The following PDE1C variants were observed in gnomAD, a reference collection of about 807,000 sequenced individuals.
PDE1C encodes the protein phosphodiesterase 1C, also known as dual specificity calcium/calmodulin-dependent 3',5'-cyclic nucleotide phosphodiesterase 1C.
A neutral mutation model predicts 93.1 loss-of-function variants in PDE1C; 62 were observed. The observed-to-expected ratio is 0.67, with a 90% CI of 0.54 to 0.82. PDE1C has a LOEUF of 0.82. PDE1C is among the 40% of genes least tolerant of loss of function. PDE1C has a pLI of 0.00. For missense variants in PDE1C, 742 were observed against 884.6 expected (o/e 0.84, Z 2.04); for synonymous variants, 325 against 310.1 (o/e 1.05, Z -0.50).
chr7:31,783,047 G>C (rs958503520), intron 16 of PDE1C, among the ~76,000 whole-genome samples: 43 of 152,270 alleles, frequency 2.8e-4, no homozygotes, highest in African/African-American at 9.9e-4. Context: ...GTAAGTCAAG[G>C]AACATCTGCA....
intron 1 of PDE1C, among the ~76,000 whole-genome samples, chr7:32,211,853 C>G (rs1344596492): frequency 2.0e-5 from 3 of 150,952 alleles, no homozygotes; most frequent in African/African-American, 7.4e-5. Context: ...GAGACCCTGT[C>G]TCCACAAAAA....
intron 2 of PDE1C, among the ~76,000 whole-genome samples, chr7:31,967,640 T>A (rs536546809): frequency 1.3e-5 from 2 of 152,180 alleles, no homozygotes; most frequent in Admixed American, 6.5e-5. Flanking sequence ...TACCAAAGCC[T>A]GGCAGAGACA....
chr7:32,319,522 G>A (rs1246888600), intron 1 of PDE1C, among the ~76,000 whole-genome samples: 1 of 152,212 alleles, frequency 6.6e-6, no homozygotes, highest in African/African-American at 2.4e-5. Context: ...CCTGACACAT[G>A]TTCCTGCATC....
In PDE1C at chr7:31,789,659, A is replaced by G. The variant is rs1784368057; in HGVS notation, c.1892-13927T>C. Reference sequence around the variant, plus strand: ...GTATTACAGAAGTGGGAAAAAAAGCATAAGAACAATTTTAAGTCTGAAAGG... The same window carrying G: ...GTATTACAGAAGTGGGAAAAAAAGCGTAAGAACAATTTTAAGTCTGAAAGG... On this transcript the variant is annotated intron_variant, in intron 16 of 17. Coordinates refer to ENST00000396191, the MANE Select transcript of PDE1C (RefSeq NM_001191057.4). 6 of 980,752 alleles carry G rather than the reference A, an allele frequency of 6.1e-6. No individual in the cohort carries two copies. The South Asian group carries it at 2.4e-4, about 39-fold the overall frequency. The allele number at this position is 980,752 out of a possible 1,614,324, so 60.8% of individuals were successfully genotyped here.
intron 14 of PDE1C, among the ~76,000 whole-genome samples, chr7:31,816,494 G>T (rs1788292688): frequency 6.6e-6 from 1 of 151,798 alleles, no homozygotes; most frequent in Non-Finnish European, 1.5e-5. Flanking sequence ...AGTGTTTTTT[G>T]GGGATTATTT....
At chr7:32,225,039 C>G (rs1330245926) in intron 1 of PDE1C, among the ~76,000 whole-genome samples, 1 of 138,184 alleles carries the variant, frequency 7.2e-6, no homozygotes, top group Non-Finnish European at 1.6e-5. Context: ...AAAAAAAAGA[C>G]TATTAAAATA....
At chr7:31,754,472 C>G (rs1300388549) in intron 17 of PDE1C, among the ~76,000 whole-genome samples, 3 of 152,146 alleles carry the variant, frequency 2.0e-5, no homozygotes, top group Admixed American at 1.3e-4. Context: ...GTGCCAAAAG[C>G]TGGAAGCAAC....
intron 2 of PDE1C, among the ~76,000 whole-genome samples, chr7:32,195,032 C>A (rs1804518896): frequency 6.6e-6 from 1 of 152,106 alleles, no homozygotes; most frequent in Non-Finnish European, 1.5e-5. Context: ...AATGTGGAAA[C>A]CTTACCTCCC....
intron 1 of PDE1C, among the ~76,000 whole-genome samples, chr7:32,308,230 C>T (rs567222079): frequency 1.3e-4 from 20 of 152,316 alleles, no homozygotes; most frequent in East Asian, 1.9e-4. Flanking sequence ...ACAAAGCAGC[C>T]GGGAAGCTCA....
At chr7:32,228,372 G>A (rs1388663188) in intron 1 of PDE1C, among the ~76,000 whole-genome samples, 1 of 152,200 alleles carries the variant, frequency 6.6e-6, no homozygotes, top group Non-Finnish European at 1.5e-5. Context: ...GGTTGGACCT[G>A]GGACCTGCAT....
intron 17 of PDE1C, among the ~76,000 whole-genome samples, chr7:31,753,853 G>T (rs1794269436): frequency 6.6e-6 from 1 of 152,188 alleles, no homozygotes; most frequent in Non-Finnish European, 1.5e-5. Flanking sequence ...AAGCATTGGG[G>T]TCATTTCTGG....
At chr7:32,140,979 G>C (rs9639643) in intron 3 of PDE1C, among the ~76,000 whole-genome samples, 19,308 of 152,220 alleles carry the variant, frequency 0.13, 2,164 homozygotes, top group African/African-American at 0.3. Context: ...AAATTTCTAA[G>C]ACTCCTCATT....
intron 2 of PDE1C, among the ~76,000 whole-genome samples, chr7:32,012,306 G>C (rs1482351072): frequency 6.6e-6 from 1 of 152,142 alleles, no homozygotes; most frequent in African/African-American, 2.4e-5. Context: ...AAGAGTGGGA[G>C]CCAGAGTCAG....
intron 6 of PDE1C, among the ~76,000 whole-genome samples, chr7:31,865,900 A>G (rs1020041296): frequency 1.3e-5 from 2 of 152,222 alleles, no homozygotes; most frequent in Non-Finnish European, 2.9e-5. Flanking sequence ...GATATGCTGC[A>G]TAGTATGTAT....
chr7:32,047,696 T>G (rs995806999), intron 2 of PDE1C, among the ~76,000 whole-genome samples: 1 of 151,956 alleles, frequency 6.6e-6, no homozygotes, highest in Non-Finnish European at 1.5e-5. Flanking sequence ...TGACAATTAC[T>G]TTGAAAGCTG....
intron 5 of PDE1C, among the ~76,000 whole-genome samples, 196 bp from the exon 6 acceptor site, chr7:31,873,604 C>A (rs1796201051): frequency 6.6e-6 from 1 of 152,120 alleles, no homozygotes; most frequent in South Asian, 2.1e-4. Flanking sequence ...ATTAAATAGT[C>A]TTATTACTAA....
intron 1 of PDE1C, among the ~76,000 whole-genome samples, chr7:32,216,364 G>C (rs1411965270): frequency 6.6e-6 from 1 of 152,036 alleles, no homozygotes; most frequent in African/African-American, 2.4e-5. Context: ...ATACTTCAGT[G>C]GGTTTATTGC....
chr7:31,719,509 C>A, the PDE1C span, among the ~76,000 whole-genome samples: 2 of 152,216 alleles, frequency 1.3e-5, no homozygotes, highest in Non-Finnish European at 2.9e-5. Context: ...GTACAACTCT[C>A]TTTACCCTGG....
intron 1 of PDE1C, among the ~76,000 whole-genome samples, chr7:32,241,651 A>C (rs1020695610): frequency 1.3e-5 from 2 of 152,226 alleles, no homozygotes; most frequent in Non-Finnish European, 2.9e-5. Flanking sequence ...CTTTTTAAAA[A>C]TGGAGGCCAT....
Sources: allele counts gnomAD v4.1 joint callset (sites outside exome capture counted in the v4.1 genomes callset), GRCh38; gene constraint gnomAD v4.1.1; transcripts MANE v1.5; gene names NCBI Gene and HGNC (gene_info 2026-07-23, HGNC 2026-07-21).